ARMC9: variants seen among roughly 807,000 people sequenced by gnomAD.
The protein encoded by ARMC9 is armadillo repeat containing 9.
ARMC9 carries 94 observed loss-of-function variants against 107.0 expected under a neutral mutation model. The ratio of observed to expected loss-of-function variants is 0.88; its 90% CI spans 0.74 to 1.04. ARMC9 has a LOEUF of 1.04. Among genes scored for constraint, ARMC9 ranks in the 50% least tolerant of loss-of-function variants. The pLI is 0.00. For synonymous variants in ARMC9, 380 were observed against 396.9 expected, an observed-to-expected ratio of 0.96 and a Z score of 0.51; for missense variants, 942 against 1,030.1, an observed-to-expected ratio of 0.91 and a Z score of 1.17.
intron 22 of ARMC9, among the ~76,000 whole-genome samples, chr2:231,359,253 A>G (rs1047414886): frequency 6.6e-6 from 1 of 151,744 alleles, no homozygotes; most frequent in Non-Finnish European, 1.5e-5. Flanking sequence ...TACCCGGCTA[A>G]TTTTTGTATT....
intron 3 of ARMC9, among the ~76,000 whole-genome samples, chr2:231,214,217 T>C (rs929477859): frequency 1.3e-5 from 2 of 152,268 alleles, no homozygotes; most frequent in African/African-American, 4.8e-5. Flanking sequence ...TCTCTGTCGC[T>C]GCAGCTGCAG....
chr2:231,363,314 C>G (rs898422943), intron 23 of ARMC9, among the ~76,000 whole-genome samples: 3 of 152,222 alleles, frequency 2.0e-5, no homozygotes, highest in Non-Finnish European at 4.4e-5. Flanking sequence ...TTCTCTTGCT[C>G]TTTCAGGTGA....
chr2:231,279,460 T>G (rs2040026197), intron 16 of ARMC9, among the ~76,000 whole-genome samples: 2 of 152,234 alleles, frequency 1.3e-5, no homozygotes, highest in East Asian at 3.9e-4. Flanking sequence ...ACCACTTGGT[T>G]TCCACACATC....
At chr2:231,319,894 G>A (rs954540751) in intron 19 of ARMC9, among the ~76,000 whole-genome samples, 2 of 152,154 alleles carry the variant, frequency 1.3e-5, no homozygotes, top group African/African-American at 4.8e-5. Flanking sequence ...AGCTGTGGCT[G>A]TATCCCTTCC....
chr2:231,365,735 G>A (rs1341859250), intron 23 of ARMC9, among the ~76,000 whole-genome samples: 3 of 152,132 alleles, frequency 2.0e-5, no homozygotes, highest in African/African-American at 7.2e-5. Context: ...CAGCTCCCAT[G>A]CCATGGGCAC....
rs2046179305 is a variant in ARMC9 at position 231,375,815 on chromosome 2, G to C, written c.*4280G>C. On this transcript the variant is annotated 3_prime_UTR_variant, in exon 25 of 25. Transcript: ENST00000611582. The surrounding 1 kb of genome is among the most constrained non-coding windows in gnomAD (Gnocchi z 4.3). Reference sequence around the variant, plus strand: ...GGATGGGATCTCAGAAGGGGGACTAGAGAAATAGGAAACTGGGGACAGAAC... The same window carrying C: ...GGATGGGATCTCAGAAGGGGGACTACAGAAATAGGAAACTGGGGACAGAAC... 6.6e-6 allele frequency among the ~76,000 whole-genome samples: 1 copy of C among 152,134 alleles called. No individual in the cohort carries two copies. The highest frequency in any genetic ancestry group is 6.5e-5 in the Admixed American group (1 of 15,276).
intron 19 of ARMC9, among the ~76,000 whole-genome samples, chr2:231,317,083 T>A (rs957991461): frequency 1.3e-5 from 2 of 152,218 alleles, no homozygotes; most frequent in African/African-American, 4.8e-5. Flanking sequence ...CCCCTTACTT[T>A]TGAATATTTT....
chr2:231,364,313 T>C (rs1026955248), intron 23 of ARMC9, among the ~76,000 whole-genome samples: 6 of 152,356 alleles, frequency 3.9e-5, no homozygotes, highest in Middle Eastern at 3.4e-3. Context: ...GAGGAGCTCC[T>C]CGCACTCAGG....
chr2:231,339,111 C>CCT (rs1235143827), intron 20 of ARMC9, among the ~76,000 whole-genome samples: 4 of 151,990 alleles, frequency 2.6e-5, no homozygotes, highest in Non-Finnish European at 5.9e-5. Flanking sequence ...GGGCAGATCA[C>CCT]GAGGTCAGGA....
chr2:231,215,070 C>T (rs2125321608), intron 4 of ARMC9, 69 bp downstream of exon 4: 1 of 1,532,562 alleles, frequency 6.5e-7, no homozygotes, highest in East Asian at 2.3e-5. Context: ...TGTCATTGTC[C>T]ACATGGGCAT....
At chr2:231,292,302 T>C (rs529772897) in intron 18 of ARMC9, among the ~76,000 whole-genome samples, 3 of 152,236 alleles carry the variant, frequency 2.0e-5, no homozygotes, top group Admixed American at 6.5e-5. Context: ...TCCCCTAACC[T>C]TGTAAGTTCT....
At chr2:231,345,719 G>A (rs1389336620) in intron 21 of ARMC9, among the ~76,000 whole-genome samples, 1 of 152,176 alleles carries the variant, frequency 6.6e-6, no homozygotes, top group Non-Finnish European at 1.5e-5. Context: ...CTCTTTTCCT[G>A]TCTAGAGAGA....
At chr2:231,280,630 A>G (rs775014910) in intron 16 of ARMC9, among the ~76,000 whole-genome samples, 2 of 152,184 alleles carry the variant, frequency 1.3e-5, no homozygotes, top group Non-Finnish European at 2.9e-5. Context: ...AAAGATGCAC[A>G]TAACTGACTA....
At chr2:231,282,280 C>T (rs1559401164) in intron 17 of ARMC9, 147 bp downstream of exon 17, 1 of 771,508 alleles carries the variant, frequency 1.3e-6, no homozygotes, top group East Asian at 2.7e-5. Context: ...GTATATTTGC[C>T]ATTTCCTGGG....
chr2:231,209,407 A>G (rs77966253), intron 3 of ARMC9, among the ~76,000 whole-genome samples: 2,726 of 152,262 alleles, frequency 0.018, 88 homozygotes, highest in African/African-American at 0.063. Flanking sequence ...TCATTATTTT[A>G]ACCATTATTT....
chr2:231,317,628 CAT>C (rs922330575), intron 19 of ARMC9, among the ~76,000 whole-genome samples: 20 of 152,020 alleles, frequency 1.3e-4, no homozygotes, highest in African/African-American at 4.3e-4. Context: ...CAGTTGCACA[CAT>C]GTTAGAATGC....
intron 23 of ARMC9, among the ~76,000 whole-genome samples, chr2:231,367,564 A>G (rs1298762035): frequency 6.6e-6 from 1 of 152,230 alleles, no homozygotes; most frequent in African/African-American, 2.4e-5. Context: ...AGTGCTGGGA[A>G]TAGTACCGCT....
intron 23 of ARMC9, among the ~76,000 whole-genome samples, chr2:231,366,159 G>A (rs2045808621): frequency 6.6e-6 from 1 of 152,188 alleles, no homozygotes; most frequent in Admixed American, 6.5e-5. Flanking sequence ...GGGGAGAGTT[G>A]CCGTTCAAGT....
intron 7 of ARMC9, among the ~76,000 whole-genome samples, chr2:231,233,504 C>T (rs1470612971): frequency 2.6e-5 from 4 of 152,026 alleles, no homozygotes; most frequent in East Asian, 1.9e-4. Context: ...TGGCCGGGTG[C>T]GGTGGCTCAC....
Sources: gnomAD v4.1 joint callset for allele counts (sites outside exome capture counted in the v4.1 genomes callset) on GRCh38, gnomAD v4.1.1 for gene constraint, Gnocchi (gnomAD v3.1) non-coding constraint, MANE v1.5 for transcripts, NCBI Gene and HGNC (gene_info 2026-07-23, HGNC 2026-07-21) for gene names.